Variants in IL27 observed in about 807,000 individuals in gnomAD.
IL27 encodes interleukin 27, also known as interleukin-27 subunit alpha.
IL27 carries 11 observed loss-of-function variants against 27.0 expected under a neutral mutation model. The observed-to-expected ratio is 0.41, with a 90% CI of 0.26 to 0.67. The LOEUF (loss-of-function observed/expected upper bound fraction) is 0.67. Ranked by LOEUF, IL27 falls within the 30% of genes least tolerant of loss-of-function variation. The pLI is 0.34. For synonymous variants in IL27, 134 were observed against 140.6 expected (o/e 0.95, Z 0.33); for missense variants, 299 against 310.4 (o/e 0.96, Z 0.28).
At position 28,502,111 on chromosome 16, in the gene IL27, G is replaced by C; in HGVS notation, c.327C>G (p.Ile109Met). The change falls in exon 4 of 5, where the codon ATC becomes ATG. Residue 109 changes from isoleucine (I) to methionine (M), a missense_variant. Transcript: ENST00000356897. Reference sequence around the variant, plus strand: ...CATGGAAGGGCTGAAGCGTGGTGGAGATGAAGCAGAGACGCTCCGGGTCCT... The same window carrying C: ...CATGGAAGGGCTGAAGCGTGGTGGACATGAAGCAGAGACGCTCCGGGTCCT... ...RLSDPERLCF[I>M]STTLQPFHAL... The C allele has an allele frequency of 6.2e-7, 1 of 1,611,876 alleles. No homozygotes were observed. Among genetic ancestry groups the C allele is most frequent in the Non-Finnish European group, 8.5e-7 (1 of 1,179,036 alleles).
chr16:28,501,570 CA>C, intron 4 of IL27, among the ~76,000 whole-genome samples: 1 of 62,130 alleles, frequency 1.6e-5, no homozygotes, highest in Non-Finnish European at 4.1e-5. Context: ...CCCACACACA[CA>C]CTCACAGTCA....
chr16:28,502,397 A>G (rs866020512), intron 3 of IL27, among the ~76,000 whole-genome samples: 8 of 151,964 alleles, frequency 5.3e-5, no homozygotes, highest in African/African-American at 1.9e-4. Flanking sequence ...CAGTCCCTGA[A>G]GCACTCTCCA....
At position 28,503,747 on chromosome 16, in the gene IL27, C is replaced by G; in HGVS notation, c.251G>C (p.Gly84Ala). 1 of 1,613,830 alleles carries G rather than the reference C, an allele frequency of 6.2e-7. No homozygotes were observed. ...PGVNLYLLPL[G>A]EQLPDVSLTF... ...CAGGGAAACATCAGGGAGCTGCTCT[C>G]CCAGGGGCAGGAGGTACAGGTTCAC... Residue 84 changes from glycine (G) to alanine (A), a missense_variant, in exon 3 of 5, where the codon GGA becomes GCA. Transcript: ENST00000356897.
chr16:28,504,437 T>G (rs925831433), intron 1 of IL27, among the ~76,000 whole-genome samples: 1 of 152,038 alleles, frequency 6.6e-6, no homozygotes, highest in African/African-American at 2.4e-5. Flanking sequence ...AACACCACTG[T>G]GCTCCAGCCT....
At position 28,503,799 on chromosome 16, in the gene IL27, G is replaced by T; in HGVS notation, c.205-6C>A. 6.2e-7 allele frequency: 1 copy of T among 1,613,074 alleles called. No homozygotes were observed. Among genetic ancestry groups the T allele is most frequent in the Non-Finnish European group, 8.5e-7 (1 of 1,179,348 alleles). On this transcript the variant is annotated splice_region_variant and splice_polypyrimidine_tract_variant and intron_variant, in intron 2 of 4. Transcript: ENST00000356897. ...CCTGGCAGGTGAGATTCCGCCTGGG[G>T]GGCAAGGTCTGTTAGTGGGGGCCAG... is the stretch of plus-strand genomic sequence containing the variant.
At chr16:28,500,966 G>A (rs981573143) in intron 4 of IL27, among the ~76,000 whole-genome samples, 7 of 152,120 alleles carry the variant, frequency 4.6e-5, no homozygotes, top group East Asian at 3.9e-4. Flanking sequence ...TTGGGAAGCC[G>A]AGGCGGGCAG....
chr16:28,506,377 C>A (rs1430548617), intron 1 of IL27, among the ~76,000 whole-genome samples: 1 of 152,178 alleles, frequency 6.6e-6, no homozygotes, highest in Non-Finnish European at 1.5e-5. Flanking sequence ...CTGCTGACAT[C>A]TTGGTCCCAG....
chr16:28,500,584 G>C (rs2046424310), intron 4 of IL27, among the ~76,000 whole-genome samples: 1 of 152,050 alleles, frequency 6.6e-6, no homozygotes, highest in Non-Finnish European at 1.5e-5. Flanking sequence ...CCTGCTGCTT[G>C]CATTTTCTAT....
At chr16:28,503,818 G>A (rs1900114845) in intron 2 of IL27, 25 bp from the exon 3 acceptor site, 1 of 1,611,636 alleles carries the variant, frequency 6.2e-7, no homozygotes, top group African/African-American at 1.3e-5. Context: ...CTGTTAGTGG[G>A]GGCCAGAAGG....
intron 4 of IL27, among the ~76,000 whole-genome samples, 193 bp downstream of exon 4, chr16:28,501,783 A>G (rs894489514): frequency 6.6e-6 from 1 of 151,504 alleles, no homozygotes; most frequent in Non-Finnish European, 1.5e-5. Context: ...ATGGACCCAC[A>G]CAGTCACACT....
At chr16:28,500,344 G>A (rs1366291746) in intron 4 of IL27, among the ~76,000 whole-genome samples, 3 of 151,860 alleles carry the variant, frequency 2.0e-5, no homozygotes, top group Non-Finnish European at 1.5e-5. Context: ...GGGTGATCAC[G>A]GCTCACTGCA....
chr16:28,502,281 G>A, intron 3 of IL27, 147 bp from the exon 4 acceptor site: 1 of 709,136 alleles, frequency 1.4e-6, no homozygotes, highest in East Asian at 2.7e-5. Context: ...CAGCCCAGCT[G>A]TGTCCCCATT....
rs1338605797 is a variant in IL27, at chr16:28,499,768, G to GC, written c.614dup (p.Leu206ProfsTer108). 6.2e-7 allele frequency: 1 copy of GC among 1,612,628 alleles called. No homozygotes were observed. The highest frequency in any genetic ancestry group is 8.5e-7 in the Non-Finnish European group (1 of 1,179,524). ...AGACGAGCTCCAAGGAGTGCAGCAG[G>GC]CGGTAGGTGGAGAGGAGCTGGGGCC... On this transcript the variant is annotated frameshift_variant, in exon 5 of 5. Coordinates refer to ENST00000356897, the MANE Select transcript of IL27 (RefSeq NM_145659.3). LOFTEE classifies it high-confidence loss of function.
At chr16:28,505,263 G>A (rs1352899395) in intron 1 of IL27, among the ~76,000 whole-genome samples, 3 of 152,226 alleles carry the variant, frequency 2.0e-5, no homozygotes, top group Non-Finnish European at 2.9e-5. Context: ...GAGTCAAAAG[G>A]ACAGGTTTGT....
At chr16:28,502,266 C>T in intron 3 of IL27, 132 bp from the exon 4 acceptor site, 2 of 781,092 alleles carry the variant, frequency 2.6e-6, no homozygotes, top group Middle Eastern at 3.2e-4. Context: ...GCTCTTCCCC[C>T]ACCTCAGCCC....
At chr16:28,506,551 A>T (rs1183727297) in intron 1 of IL27, among the ~76,000 whole-genome samples, 1 of 151,940 alleles carries the variant, frequency 6.6e-6, no homozygotes, top group Non-Finnish European at 1.5e-5. Flanking sequence ...CATTCCCACT[A>T]GCCAAGGCCT....
At chr16:28,504,587 CT>C (rs113113152) in intron 1 of IL27, among the ~76,000 whole-genome samples, 56,552 of 144,266 alleles carry the variant, frequency 0.39, 10,788 homozygotes, top group Admixed American at 0.43. Flanking sequence ...AAGCCTGATC[CT>C]TTTTTTTTTT....
intron 4 of IL27, 115 bp downstream of exon 4, chr16:28,501,857 ACACT>A: frequency 7.5e-6 from 9 of 1,204,784 alleles, no homozygotes; most frequent in African/African-American, 1.5e-5. Flanking sequence ...ACACTCATGG[ACACT>A]CAGTCACACT....
At chr16:28,506,729 C>T (rs1011717973) in intron 1 of IL27, 52 bp downstream of exon 1, 2 of 1,591,130 alleles carry the variant, frequency 1.3e-6, no homozygotes, top group Non-Finnish European at 1.7e-6. Flanking sequence ...CCAAGCTCGT[C>T]CATTCTCTGC....
Sources: gnomAD v4.1 joint callset for allele counts (sites outside exome capture counted in the v4.1 genomes callset) on GRCh38, gnomAD v4.1.1 for gene constraint, MANE v1.5 for transcripts, NCBI Gene and HGNC (gene_info 2026-07-23, HGNC 2026-07-21) for gene names.